Variants in CDH13 observed in about 807,000 individuals in gnomAD.
CDH13 encodes cadherin-13.
A neutral mutation model predicts 63.8 loss-of-function variants in CDH13; 24 were observed. The observed-to-expected ratio is 0.38, with a 90% CI of 0.27 to 0.53. CDH13 has a LOEUF of 0.53. Among genes scored for constraint, CDH13 ranks in the 20% least tolerant of loss-of-function variants. The pLI is 0.85. For synonymous variants in CDH13, 503 were observed against 355.3 expected, an observed-to-expected ratio of 1.42 and a Z score of -4.67; for missense variants, 1,049 against 903.1, an observed-to-expected ratio of 1.16 and a Z score of -2.07.
rs534879176 is a variant in CDH13, at chr16:82,805,012, T to C, written c.46-53350T>C. On this transcript the variant is annotated intron_variant, in intron 1 of 13. Coordinates refer to ENST00000567109, the MANE Select transcript of CDH13 (RefSeq NM_001257.5). ...TATTCTCTTTGTATCCATCTTTCCT[T>C]ATCCAGAGGCGTAAAGGAAAAGCAT... Among the ~76,000 whole-genome samples the C allele has an allele frequency of 8.5e-5, 13 of 152,326 alleles. No individual in the cohort carries two copies. In the South Asian group the frequency reaches 2.5e-3, roughly 29 times the overall value.
intron 1 of CDH13, among the ~76,000 whole-genome samples, 172 bp from the exon 2 acceptor site, chr16:82,858,190 C>G (rs1008239617): frequency 6.6e-6 from 1 of 152,210 alleles, no homozygotes; most frequent in African/African-American, 2.4e-5. Context: ...TTCTCCAAAT[C>G]TCAGTGCCAA....
intron 8 of CDH13, among the ~76,000 whole-genome samples, chr16:83,643,396 C>G (rs1210339155): frequency 1.3e-5 from 2 of 150,756 alleles, no homozygotes; most frequent in African/African-American, 4.8e-5. Context: ...TATTTACAAA[C>G]GTGTGATCAC....
chr16:83,488,699 A>C (rs967314266), intron 7 of CDH13, among the ~76,000 whole-genome samples: 1 of 151,916 alleles, frequency 6.6e-6, no homozygotes, highest in African/African-American at 2.4e-5. Flanking sequence ...ATCTCAGCTC[A>C]CTGCAACCTC....
rs66521965 is a variant in CDH13, at chr16:83,059,793, GTT to G, written c.366+27594_366+27595del. On this transcript the variant is annotated intron_variant, in intron 3 of 13. Transcript: ENST00000567109. ...TTTGCCTTTGTTTTTTTTTTTGTTT[GTT>G]TTTTTTTTTTTTTTTTTTAGAAGGA... is the stretch of plus-strand genomic sequence containing the variant. Among the ~76,000 whole-genome samples, 656 of 112,992 alleles carry G rather than the reference GTT, an allele frequency of 5.8e-3. 5 individuals carry two copies. Among genetic ancestry groups the G allele is most frequent in the African/African-American group, 0.018 (563 of 30,814 alleles). 74.1% of individuals were successfully genotyped at this position (112,992 alleles called of 152,430 possible).
At chr16:82,929,252 A>C (rs2042400726) in intron 2 of CDH13, among the ~76,000 whole-genome samples, 1 of 152,098 alleles carries the variant, frequency 6.6e-6, no homozygotes, top group Non-Finnish European at 1.5e-5. Flanking sequence ...TAGGGCTTTC[A>C]TGAGGTGGTA....
chr16:82,928,979 A>G (rs1010360709), intron 2 of CDH13, among the ~76,000 whole-genome samples: 2 of 152,224 alleles, frequency 1.3e-5, no homozygotes, highest in Non-Finnish European at 2.9e-5. Context: ...GCATAACATT[A>G]TATTCAATTT....
At chr16:83,123,430 C>T (rs906429655) in intron 3 of CDH13, among the ~76,000 whole-genome samples, 5 of 152,040 alleles carry the variant, frequency 3.3e-5, no homozygotes, top group Non-Finnish European at 7.4e-5. Flanking sequence ...CAGGCATGCA[C>T]CACCATGCCC....
At chr16:82,708,515 C>T (rs1490216599) in intron 1 of CDH13, among the ~76,000 whole-genome samples, 2 of 152,216 alleles carry the variant, frequency 1.3e-5, no homozygotes, top group Non-Finnish European at 2.9e-5. Flanking sequence ...GTCTCTCCAC[C>T]AGCTTCCTCT....
At chr16:83,249,729 G>T (rs907366483) in intron 5 of CDH13, among the ~76,000 whole-genome samples, 7 of 152,164 alleles carry the variant, frequency 4.6e-5, no homozygotes, top group Admixed American at 4.6e-4. Context: ...TCCATTCTAA[G>T]ACAATGCTAC....
intron 8 of CDH13, among the ~76,000 whole-genome samples, chr16:83,661,176 T>C (rs1377600492): frequency 6.6e-6 from 1 of 152,130 alleles, no homozygotes; most frequent in Admixed American, 6.6e-5. Flanking sequence ...GATGCCTTGG[T>C]AGGACTCCTG....
chr16:82,912,663 G>C lies in CDH13; in HGVS notation c.157+54190G>C, dbSNP rs9931788. 9.2e-5 allele frequency among the ~76,000 whole-genome samples: 14 copies of C among 152,306 alleles called. No homozygotes were observed. In the East Asian group the frequency reaches 2.3e-3, roughly 25 times the overall value. On this transcript the variant is annotated intron_variant, in intron 2 of 13. Coordinates refer to ENST00000567109, the MANE Select transcript of CDH13 (RefSeq NM_001257.5). ...TTGCATTGAAAGAGAGTGGTGACTC[G>C]CCGGGCGCGGTGGCTCACGCCTGTA...
intron 7 of CDH13, among the ~76,000 whole-genome samples, chr16:83,517,109 T>A (rs1340588106): frequency 1.3e-5 from 2 of 152,180 alleles, no homozygotes; most frequent in Non-Finnish European, 2.9e-5. Context: ...TGGAATCTCT[T>A]GCTGATCCCA....
At chr16:83,267,587 C>T (rs1412044635) in intron 5 of CDH13, among the ~76,000 whole-genome samples, 1 of 152,130 alleles carries the variant, frequency 6.6e-6, no homozygotes. Context: ...GCTGTTATCT[C>T]AGGAGAGTGT....
At chr16:83,622,391 C>T (rs1004524163) in intron 8 of CDH13, among the ~76,000 whole-genome samples, 2 of 152,162 alleles carry the variant, frequency 1.3e-5, no homozygotes, top group Non-Finnish European at 2.9e-5. Context: ...AAATCAGGCC[C>T]CCAAAAGACC....
intron 1 of CDH13, among the ~76,000 whole-genome samples, chr16:82,748,430 A>G (rs1597465746): frequency 1.3e-5 from 2 of 152,300 alleles, no homozygotes; most frequent in East Asian, 1.9e-4. Flanking sequence ...AAGATGGGCT[A>G]TGGGAATCAT....
chr16:82,826,006 A>G (rs1223366612), intron 1 of CDH13: 1 of 150,770 alleles, frequency 6.6e-6, no homozygotes, highest in Non-Finnish European at 1.5e-5. Flanking sequence ...CACGCACCCC[A>G]CCACACCGAG....
intron 6 of CDH13, among the ~76,000 whole-genome samples, chr16:83,450,016 G>A (rs897038582): frequency 3.9e-5 from 6 of 152,148 alleles, no homozygotes; most frequent in East Asian, 1.9e-4. Flanking sequence ...CCCCCGCCCC[G>A]ACCCCGGGCC....
rs113097117 is a variant in CDH13 at position 83,524,383 on chromosome 16, G to C, written c.960+37728G>C. On this transcript the variant is annotated intron_variant, in intron 7 of 13. Coordinates refer to ENST00000567109, the MANE Select transcript of CDH13 (RefSeq NM_001257.5). The stretch of plus-strand genomic sequence containing the variant: ...ATTGTAGGAGCAGGAAGTTCACACA[G>C]GTCTTCCAGCCTGTCTAGCAGGTGG... Among the ~76,000 whole-genome samples the C allele has an allele frequency of 7.6e-3, 1,143 of 151,376 alleles. 15 individuals are homozygous for C. The highest frequency in any genetic ancestry group is 0.027 in the African/African-American group (1,093 of 41,236).
intron 11 of CDH13, among the ~76,000 whole-genome samples, chr16:83,748,853 A>G (rs1307519217): frequency 1.3e-5 from 2 of 152,204 alleles, no homozygotes; most frequent in African/African-American, 4.8e-5. Context: ...AAGGAGGCAA[A>G]GTTCAAAGTG....
Sources: allele counts gnomAD v4.1 joint callset (sites outside exome capture counted in the v4.1 genomes callset), GRCh38; gene constraint gnomAD v4.1.1; transcripts MANE v1.5; gene names NCBI Gene and HGNC (gene_info 2026-07-23, HGNC 2026-07-21).